Variants in STX17 observed in about 807,000 individuals in gnomAD.
The protein encoded by STX17 is syntaxin-17.
A neutral mutation model predicts 35.9 loss-of-function variants in STX17; 29 were observed. The ratio of observed to expected loss-of-function variants is 0.81; its 90% confidence interval spans 0.60 to 1.10. The LOEUF is 1.10. Among genes scored for constraint, STX17 ranks in the 50% least tolerant of loss-of-function variants. The probability of loss-of-function intolerance (pLI) is 0.00; values close to 1 mark genes in which losing one functional copy is unlikely to be tolerated. For synonymous variants in STX17, 92 were observed against 118.3 expected (o/e 0.78, Z 1.44); for missense variants, 312 against 352.3 (o/e 0.89, Z 0.92).
chr9:99,957,713 G>T (rs1187795623), intron 4 of STX17, among the ~76,000 whole-genome samples: 1 of 150,668 alleles, frequency 6.6e-6, no homozygotes, highest in East Asian at 1.9e-4. Flanking sequence ...GGAGTCAGTG[G>T]AGTGATCTTG....
At chr9:99,922,176 T>C (rs1463211109) in intron 2 of STX17, among the ~76,000 whole-genome samples, 2 of 152,182 alleles carry the variant, frequency 1.3e-5, no homozygotes, top group Non-Finnish European at 2.9e-5. Flanking sequence ...CATTAACATG[T>C]TTGTTGTTTT....
At chr9:99,931,147 A>G (rs1281253487) in intron 3 of STX17, among the ~76,000 whole-genome samples, 1 of 151,946 alleles carries the variant, frequency 6.6e-6, no homozygotes, top group Non-Finnish European at 1.5e-5. Context: ...TGCCCAGCTA[A>G]TTTTTGTATT....
intron 3 of STX17, among the ~76,000 whole-genome samples, chr9:99,939,004 C>T (rs759786170): frequency 6.6e-6 from 1 of 152,052 alleles, no homozygotes; most frequent in South Asian, 2.1e-4. Context: ...ATCCCAGTTC[C>T]GTAAGCACAC....
At position 99,921,663 on chromosome 9, in the gene STX17, C is replaced by G. The variant is rs143829616; in HGVS notation, c.123+6301C>G. On this transcript the variant is annotated intron_variant, in intron 2 of 7. Coordinates refer to ENST00000259400, the MANE Select transcript of STX17 (RefSeq NM_017919.3). ...CCAGGATTCACATTAAGATTTACAGCCTGCAGTGTTTTAAATATACTTTCT... is the reference window on the plus strand; with the variant it reads ...CCAGGATTCACATTAAGATTTACAGGCTGCAGTGTTTTAAATATACTTTCT... Among the ~76,000 whole-genome samples, 775 of 150,988 alleles carry G rather than the reference C, an allele frequency of 5.1e-3. 6 individuals carry two copies. The highest frequency in any genetic ancestry group is 0.017 in the African/African-American group (708 of 41,088).
intron 6 of STX17, among the ~76,000 whole-genome samples, chr9:99,966,025 C>A (rs915791692): frequency 2.0e-5 from 3 of 152,136 alleles, no homozygotes; most frequent in Non-Finnish European, 4.4e-5. Context: ...AAAGGTGGTG[C>A]CCTTGATCTG....
rs1248107164 is a variant in STX17, at chr9:99,968,867, G to T, written c.*194G>T. The T allele has an allele frequency of 1.3e-6, 1 of 749,608 alleles. No homozygotes were observed. The highest frequency in any genetic ancestry group is 3.3e-5 in the Admixed American group (1 of 29,924). The allele number at this position is 749,608 out of a possible 1,614,324, so 46.4% of individuals were successfully genotyped here. On this transcript the variant is annotated 3_prime_UTR_variant, in exon 8 of 8. Transcript: ENST00000259400. ...TTCATGGAGATGTTAAGAGATTGAG[G>T]CCCTGGGCTGAGGGTATATAATGTA...
intron 4 of STX17, among the ~76,000 whole-genome samples, chr9:99,955,951 C>T (rs1038268139): frequency 2.6e-5 from 4 of 152,018 alleles, no homozygotes; most frequent in Admixed American, 1.3e-4. Flanking sequence ...CATAGCAGTT[C>T]GTAAAAGTTC....
At position 99,968,695 on chromosome 9, in the gene STX17, G is replaced by A. The variant is rs774422836; in HGVS notation, c.*22G>A. 4 of 1,605,572 alleles carry A rather than the reference G, an allele frequency of 2.5e-6. No homozygotes were observed. The highest frequency in any genetic ancestry group is 4.5e-5 in the East Asian group (2 of 44,876). On this transcript the variant is annotated 3_prime_UTR_variant, in exon 8 of 8. Transcript: ENST00000259400. ...TTAAAAACCAAATTTCAGTATTATT[G>A]GTGCCAACATGTCTATCCTGAGGAC...
At position 99,971,815 on chromosome 9, in the gene STX17, G is replaced by A. The variant is rs1421732468; in HGVS notation, c.*3142G>A. ...GCCAGAGGATCACTTGAGCCCAGGAGTTTGAGACCAGCCTGGGCAACATAG... is the reference window on the plus strand; with the variant it reads ...GCCAGAGGATCACTTGAGCCCAGGAATTTGAGACCAGCCTGGGCAACATAG... On this transcript the variant is annotated 3_prime_UTR_variant, in exon 8 of 8. Coordinates refer to ENST00000259400, the MANE Select transcript of STX17 (RefSeq NM_017919.3). Among the ~76,000 whole-genome samples, 1 of 151,306 alleles carries A rather than the reference G, an allele frequency of 6.6e-6. No homozygotes were observed. Among genetic ancestry groups the A allele is most frequent in the Non-Finnish European group, 1.5e-5 (1 of 67,888 alleles).
intron 1 of STX17, among the ~76,000 whole-genome samples, chr9:99,914,817 T>C (rs568532836): frequency 9.9e-4 from 151 of 152,298 alleles, no homozygotes; most frequent in Admixed American, 2.3e-3. Context: ...AGTATACTCC[T>C]AGCTTTTTTA....
At chr9:99,952,773 C>T (rs541478222) in intron 4 of STX17, among the ~76,000 whole-genome samples, 14 of 151,394 alleles carry the variant, frequency 9.2e-5, no homozygotes, top group African/African-American at 2.7e-4. Flanking sequence ...AGTAAACTAT[C>T]GCAAGGACAA....
In STX17 at chr9:99,959,938, C is replaced by A. The variant is rs377039228; in HGVS notation, c.437C>A (p.Ala146Asp). Residue 146 changes from alanine to aspartate, a missense_variant, in exon 5 of 8, where the codon GCT (alanine) becomes GAT (aspartate). Coordinates refer to ENST00000259400, the MANE Select transcript of STX17 (RefSeq NM_017919.3). Reference sequence around the variant, plus strand: ...CCAGGAGCATTTCATACTACTGAAGCTGAAGCTAGTTCTCAGAGTTTGACT... The same window carrying A: ...CCAGGAGCATTTCATACTACTGAAGATGAAGCTAGTTCTCAGAGTTTGACT... ...TVGGAFHTTE[A>D]EASSQSLTQI... 6 of 1,613,100 alleles carry A rather than the reference C, an allele frequency of 3.7e-6. No individual in the cohort carries two copies. In the African/African-American group the frequency reaches 8.0e-5, roughly 22 times the overall value.
intron 2 of STX17, among the ~76,000 whole-genome samples, chr9:99,918,202 T>C (rs1351544282): frequency 2.0e-5 from 3 of 152,220 alleles, no homozygotes; most frequent in Admixed American, 2.0e-4. Flanking sequence ...CAATCATAGC[T>C]CACTGTAATG....
At chr9:99,937,852 TA>T (rs1829268384) in intron 3 of STX17, 1 of 152,222 alleles carries the variant, frequency 6.6e-6, no homozygotes, top group African/African-American at 2.4e-5. Flanking sequence ...TATGTTTATA[TA>T]AAACAATGAG....
chr9:99,966,318 A>T (rs929070255), intron 6 of STX17, among the ~76,000 whole-genome samples: 2 of 152,260 alleles, frequency 1.3e-5, no homozygotes, highest in South Asian at 4.1e-4. Flanking sequence ...GAATGAAGGG[A>T]TACCACAATG....
At chr9:99,923,701 A>C (rs1210000539) in intron 2 of STX17, among the ~76,000 whole-genome samples, 1 of 152,058 alleles carries the variant, frequency 6.6e-6, no homozygotes, top group African/African-American at 2.4e-5. Flanking sequence ...CTTCCCTCCC[A>C]CCAGTCACAA....
chr9:99,913,225 G>A (rs1310615361), intron 1 of STX17, among the ~76,000 whole-genome samples: 1 of 151,836 alleles, frequency 6.6e-6, no homozygotes, highest in Non-Finnish European at 1.5e-5. Flanking sequence ...TCAGTTTGAG[G>A]TCTTACATTT....
chr9:99,907,678 A>G (rs1025505945), intron 1 of STX17, among the ~76,000 whole-genome samples: 1 of 152,202 alleles, frequency 6.6e-6, no homozygotes, highest in South Asian at 2.1e-4. Flanking sequence ...TTTTGAAATA[A>G]TTTTAAAATT....
intron 2 of STX17, among the ~76,000 whole-genome samples, chr9:99,922,795 A>C (rs1305634394): frequency 6.6e-6 from 1 of 152,224 alleles, no homozygotes; most frequent in Non-Finnish European, 1.5e-5. Flanking sequence ...GTCTAATCTT[A>C]CTGCTAAAAT....
Sources: gnomAD v4.1 joint callset for allele counts (sites outside exome capture counted in the v4.1 genomes callset) on GRCh38, gnomAD v4.1.1 for gene constraint, MANE v1.5 for transcripts, NCBI Gene and HGNC (gene_info 2026-07-23, HGNC 2026-07-21) for gene names.